The following PCDH15 variants were observed in gnomAD, a reference collection of about 807,000 sequenced individuals.
The protein encoded by PCDH15 is protocadherin related 15.
Under a neutral mutation model 178.5 loss-of-function variants are expected in PCDH15, and 129 were observed. The ratio of observed to expected loss-of-function variants is 0.72; its 90% CI spans 0.63 to 0.84. The LOEUF is 0.84. Among genes scored for constraint, PCDH15 ranks in the 40% least tolerant of loss-of-function variants. PCDH15 has a pLI of 0.00. For missense variants in PCDH15, 2,230 were observed against 2,099.9 expected, an observed-to-expected ratio of 1.06 and a Z score of -1.21; for synonymous variants, 800 against 732.0, an observed-to-expected ratio of 1.09 and a Z score of -1.50.
chr10:55,043,740 A>AAATAAATAAAT (rs71014442), intron 2 of PCDH15, among the ~76,000 whole-genome samples: 12 of 142,942 alleles, frequency 8.4e-5, no homozygotes, highest in African/African-American at 2.3e-4. Context: ...ATAAATAAAT[A>AAATAAATAAAT]AAATAAATAA....
At chr10:55,567,436 A>G (rs2132105856) in intron 2 of PCDH15, among the ~76,000 whole-genome samples, 1 of 147,548 alleles carries the variant, frequency 6.8e-6, no homozygotes, top group East Asian at 2.0e-4. Flanking sequence ...ACAAAAAGTA[A>G]AAAAAAAAAA....
At chr10:54,195,043 G>A (rs2049465651) in intron 11 of PCDH15, among the ~76,000 whole-genome samples, 1 of 152,126 alleles carries the variant, frequency 6.6e-6, no homozygotes, top group African/African-American at 2.4e-5. Context: ...GTAAATTCCT[G>A]GGAGGATTCT....
intron 1 of PCDH15, among the ~76,000 whole-genome samples, chr10:55,167,370 C>T (rs1309032438): frequency 6.6e-6 from 1 of 152,110 alleles, no homozygotes; most frequent in Non-Finnish European, 1.5e-5. Context: ...CCCACCTTGG[C>T]CTCCAAAGGT....
At chr10:53,814,856 C>T (rs1010151477) in intron 35 of PCDH15, among the ~76,000 whole-genome samples, 5 of 151,364 alleles carry the variant, frequency 3.3e-5, no homozygotes, top group African/African-American at 4.8e-5. Flanking sequence ...CCCAGCTACT[C>T]GGGAGGCTGA....
intron 1 of PCDH15, among the ~76,000 whole-genome samples, chr10:54,751,771 T>C (rs935168630): frequency 2.8e-4 from 43 of 152,166 alleles, no homozygotes; most frequent in African/African-American, 8.7e-4. Flanking sequence ...TTCTCTGTAA[T>C]ACATAAGAAG....
At position 54,735,796 on chromosome 10, in the gene PCDH15, C is replaced by T. The variant is rs576409626; in HGVS notation, c.-29+65129G>A. On this transcript the variant is annotated intron_variant, in intron 1 of 37. Transcript: ENST00000644397. ...AAACCAAACACCGCATATTCTCACT[C>T]ATAGGTGGGAATTGAACAATGAGAT... Among the ~76,000 whole-genome samples, 5 of 118,174 alleles carry T rather than the reference C, an allele frequency of 4.2e-5. No individual in the cohort carries two copies. In the South Asian group the frequency reaches 1.6e-3, roughly 37 times the overall value. 77.5% of individuals were successfully genotyped at this position (118,174 alleles called of 152,430 possible). A position where few individuals can be genotyped will look rare whatever the true frequency, so the allele number is the denominator to read the frequency against.
intron 2 of PCDH15, among the ~76,000 whole-genome samples, chr10:55,566,754 C>T (rs956147910): frequency 6.6e-6 from 1 of 151,576 alleles, no homozygotes; most frequent in Non-Finnish European, 1.5e-5. Flanking sequence ...ATAAAAGCTA[C>T]AAAACATTCC....
chr10:54,305,575 G>A (rs1211804849), intron 8 of PCDH15, among the ~76,000 whole-genome samples: 2 of 151,960 alleles, frequency 1.3e-5, no homozygotes, highest in Admixed American at 1.3e-4. Context: ...AAATGATATA[G>A]GGAAAGTCTC....
At chr10:54,101,436 C>A (rs1022004485) in intron 15 of PCDH15, among the ~76,000 whole-genome samples, 1 of 152,130 alleles carries the variant, frequency 6.6e-6, no homozygotes, top group Non-Finnish European at 1.5e-5. Flanking sequence ...AAAAAAATGA[C>A]AAATGAGTGA....
intron 25 of PCDH15, among the ~76,000 whole-genome samples, chr10:53,923,386 G>T (rs2246660): frequency 0.047 from 7,116 of 152,224 alleles, 506 homozygotes; most frequent in African/African-American, 0.16. Context: ...AACTGACTAC[G>T]AGACTTGTGT....
chr10:54,439,279 A>G (rs772750352), intron 3 of PCDH15, among the ~76,000 whole-genome samples: 1 of 152,108 alleles, frequency 6.6e-6, no homozygotes, highest in Non-Finnish European at 1.5e-5. Context: ...AAGAAACCAA[A>G]TATGCATAAA....
intron 2 of PCDH15, among the ~76,000 whole-genome samples, chr10:54,941,318 A>G: frequency 6.6e-6 from 1 of 152,002 alleles, no homozygotes; most frequent in East Asian, 1.9e-4. Flanking sequence ...TTTGTGCTAC[A>G]ATTTTATACA....
chr10:53,867,397 C>T (rs2079533910), intron 26 of PCDH15, among the ~76,000 whole-genome samples: 1 of 152,054 alleles, frequency 6.6e-6, no homozygotes, highest in Non-Finnish European at 1.5e-5. Flanking sequence ...ATTTTCCCAA[C>T]ACAAAGAAGT....
At chr10:54,726,435 T>TGG (rs1942535796) in intron 1 of PCDH15, among the ~76,000 whole-genome samples, 1 of 15,796 alleles carries the variant, frequency 6.3e-5, no homozygotes, top group African/African-American at 1.7e-4. Flanking sequence ...TGTGTGTGTG[T>TGG]GTGTGTGTGT....
intron 3 of PCDH15, among the ~76,000 whole-genome samples, chr10:54,438,143 T>C (rs11597868): frequency 0.48 from 72,324 of 151,928 alleles, 17,999 homozygotes; most frequent in Middle Eastern, 0.52. Context: ...TAGCTCAGAA[T>C]TGATATGTAA....
At chr10:54,375,598 A>C (rs1451014906) in intron 4 of PCDH15, among the ~76,000 whole-genome samples, 2 of 151,796 alleles carry the variant, frequency 1.3e-5, no homozygotes, top group Non-Finnish European at 2.9e-5. Context: ...GAAAAGCATA[A>C]TTTCATAACA....
At chr10:55,083,306 T>C (rs377549450) in intron 2 of PCDH15, among the ~76,000 whole-genome samples, 2 of 151,946 alleles carry the variant, frequency 1.3e-5, no homozygotes, top group Non-Finnish European at 2.9e-5. Context: ...AAAAAACATA[T>C]GATCATTTCA....
At chr10:55,072,146 G>A (rs1179913611) in intron 2 of PCDH15, among the ~76,000 whole-genome samples, 3 of 151,910 alleles carry the variant, frequency 2.0e-5, no homozygotes. Context: ...GAGAAAGCAG[G>A]AAAGATGCAA....
intron 2 of PCDH15, among the ~76,000 whole-genome samples, chr10:55,389,733 C>A (rs574654192): frequency 6.6e-6 from 1 of 152,070 alleles, no homozygotes; most frequent in Non-Finnish European, 1.5e-5. Context: ...TAATTTTCAG[C>A]AACTCTCATA....
Sources: gnomAD v4.1 joint callset for allele counts (sites outside exome capture counted in the v4.1 genomes callset) on GRCh38, gnomAD v4.1.1 for gene constraint, MANE v1.5 for transcripts, NCBI Gene and HGNC (gene_info 2026-07-23, HGNC 2026-07-21) for gene names.